The following PNPLA7 variants were observed in gnomAD, a reference collection of about 807,000 sequenced individuals.
PNPLA7 encodes the protein patatin like domain 7, lysophospholipase, also known as patatin-like phospholipase domain-containing protein 7.
PNPLA7 carries 153 observed loss-of-function variants against 161.7 expected under a neutral mutation model. The ratio of observed to expected loss-of-function variants is 0.95; its 90% CI spans 0.83 to 1.08. The LOEUF is 1.08. Ranked by LOEUF, PNPLA7 falls within the 50% of genes least tolerant of loss-of-function variation. The probability of loss-of-function intolerance (pLI) is 0.00; values close to 1 mark genes in which losing one functional copy is unlikely to be tolerated. For synonymous variants in PNPLA7, 809 were observed against 782.1 expected, an observed-to-expected ratio of 1.03 and a Z score of -0.57; for missense variants, 1,739 against 1,856.6, an observed-to-expected ratio of 0.94 and a Z score of 1.16.
intron 8 of PNPLA7, among the ~76,000 whole-genome samples, chr9:137,535,709 C>T (rs144155980): frequency 1.4e-4 from 21 of 149,172 alleles, no homozygotes; most frequent in African/African-American, 2.0e-4. Flanking sequence ...GCTGAGATCA[C>T]GCCATTGCAC....
Position 137,481,035 on chromosome 9 carries a change from A to T in PNPLA7, c.2348-12T>A. 1 of 1,551,490 alleles carries T rather than the reference A, an allele frequency of 6.4e-7. No homozygotes were observed. The highest frequency in any genetic ancestry group is 8.7e-7 in the Non-Finnish European group (1 of 1,146,900). On this transcript the variant is annotated splice_polypyrimidine_tract_variant and intron_variant, in intron 21 of 34. Transcript: ENST00000406427. ...CAGCAGGGTCGGGCCTGAAAACACC[A>T]CCACCAGTAACGGAGCCTGCCTGGG...
At chr9:137,508,472 C>T (rs1458064640) in intron 12 of PNPLA7, among the ~76,000 whole-genome samples, 2 of 151,856 alleles carry the variant, frequency 1.3e-5, no homozygotes, top group Non-Finnish European at 2.9e-5. Flanking sequence ...GCGGCTGAGG[C>T]AGGAGAATTG....
rs946805608 is a variant in PNPLA7, at chr9:137,519,993, C to T, written c.1008G>A (p.Lys336=). 6.2e-7 allele frequency: 1 copy of T among 1,612,694 alleles called. No individual in the cohort carries two copies. Among genetic ancestry groups the T allele is most frequent in the African/African-American group, 1.3e-5 (1 of 74,908 alleles). ...LVSVASVAAG[K]AKKQVFYGEE... Reference sequence around the variant, plus strand: ...CGCCATAGAACACCTGCTTCTTGGCCTTCCCGGCAGCCACACTGGCTACAG... The same window carrying T: ...CGCCATAGAACACCTGCTTCTTGGCTTTCCCGGCAGCCACACTGGCTACAG... Residue 336 remains lysine (K), a synonymous_variant, in exon 11 of 35, where the codon AAG becomes AAA. Coordinates refer to ENST00000406427, the MANE Select transcript of PNPLA7 (RefSeq NM_001098537.3).
intron 7 of PNPLA7, among the ~76,000 whole-genome samples, 167 bp downstream of exon 7, chr9:137,542,475 A>C (rs1836257490): frequency 1.3e-5 from 2 of 152,218 alleles, no homozygotes; most frequent in South Asian, 4.1e-4. Context: ...TGTTTCAAAA[A>C]ACTAAATAAA....
rs1836560405 is a variant in PNPLA7 at position 137,546,912 on chromosome 9, G to A, written c.194-3C>T. Reference sequence around the variant, plus strand: ...CTGAGGAGTGGGCTGTGCTTGTCCTGCAGGGGAGTAAAGGGATGGCCTGAG... The same window carrying A: ...CTGAGGAGTGGGCTGTGCTTGTCCTACAGGGGAGTAAAGGGATGGCCTGAG... On this transcript the variant is annotated splice_region_variant and splice_polypyrimidine_tract_variant and intron_variant, in intron 3 of 34. Coordinates refer to ENST00000406427, the MANE Select transcript of PNPLA7 (RefSeq NM_001098537.3). 2.5e-6 allele frequency: 4 copies of A among 1,613,680 alleles called. No homozygotes were observed. The highest frequency in any genetic ancestry group is 3.3e-5 in the Admixed American group (2 of 60,020).
chr9:137,531,232 A>C (rs577310847), intron 8 of PNPLA7, among the ~76,000 whole-genome samples: 1 of 152,170 alleles, frequency 6.6e-6, no homozygotes, highest in East Asian at 1.9e-4. Context: ...CACCCCCACC[A>C]ACCGCATCAG....
intron 12 of PNPLA7, among the ~76,000 whole-genome samples, chr9:137,512,528 G>A (rs899090473): frequency 2.6e-5 from 4 of 152,232 alleles, no homozygotes; most frequent in African/African-American, 9.6e-5. Context: ...GGCTTGCAGG[G>A]GCTAATTTAT....
intron 26 of PNPLA7, among the ~76,000 whole-genome samples, chr9:137,465,209 C>T (rs1221290917): frequency 6.6e-6 from 1 of 152,198 alleles, no homozygotes; most frequent in Non-Finnish European, 1.5e-5. Context: ...GAGGAGACCC[C>T]GGTCCTTCCC....
chr9:137,471,376 G>A (rs1349374529), intron 25 of PNPLA7, among the ~76,000 whole-genome samples: 2 of 152,070 alleles, frequency 1.3e-5, no homozygotes, highest in Non-Finnish European at 1.5e-5. Flanking sequence ...CAAGGCGGGC[G>A]GATCATGAGA....
In PNPLA7 at chr9:137,460,470, C is replaced by T. The variant is rs762980119; in HGVS notation, c.3952G>A (p.Glu1318Lys). 4 of 1,612,424 alleles carry T rather than the reference C, an allele frequency of 2.5e-6. No homozygotes were observed. Among genetic ancestry groups the T allele is most frequent in the East Asian group, 2.2e-5 (1 of 44,880 alleles). Residue 1318 changes from glutamate (E) to lysine (K), a missense_variant, in exon 35 of 35, where the codon GAG becomes AAG. By Grantham distance (56) the Glu-to-Lys change is moderately conservative. This residue lies in a region of PNPLA7 where 703 missense variants were observed against 694.6 expected (regional missense o/e 1.01). Coordinates refer to ENST00000406427, the MANE Select transcript of PNPLA7 (RefSeq NM_001098537.3). Reference sequence around the variant, plus strand: ...GGGTGTCGATGCCGCAGTGAGGACTCGTCCTCCTGCAAGCAGACCGCATGT... The same window carrying T: ...GGGTGTCGATGCCGCAGTGAGGACTTGTCCTCCTGCAAGCAGACCGCATGT... ...SAQQGSDLED[E>K]SSLRHRHPSL...
chr9:137,460,935 G>A (rs1299645170), intron 33 of PNPLA7, 198 bp from the exon 34 acceptor site: 2 of 575,642 alleles, frequency 3.5e-6, no homozygotes, highest in Non-Finnish European at 6.2e-6. Context: ...CTTTGCCCCA[G>A]CACATCACTT....
rs140081115 is a variant in PNPLA7, at chr9:137,502,774, G to A, written c.1474-1047C>T. On this transcript the variant is annotated intron_variant, in intron 14 of 34. Coordinates refer to ENST00000406427, the MANE Select transcript of PNPLA7 (RefSeq NM_001098537.3). Reference sequence around the variant, plus strand: ...GGGAGCCGGCCACGGTGACATGGACGAGGCCGCTGGACAGGGGGGCACTGA... The same window carrying A: ...GGGAGCCGGCCACGGTGACATGGACAAGGCCGCTGGACAGGGGGGCACTGA... Among the ~76,000 whole-genome samples, 591 of 138,752 alleles carry A rather than the reference G, an allele frequency of 4.3e-3. 9 individuals carry two copies. Among genetic ancestry groups the A allele is most frequent in the African/African-American group, 9.6e-3 (349 of 36,256 alleles). The allele number at this position is 138,752 out of a possible 152,430, so 91.0% of individuals were successfully genotyped here.
At chr9:137,507,034 T>G (rs571832663) in intron 12 of PNPLA7, among the ~76,000 whole-genome samples, 4 of 152,210 alleles carry the variant, frequency 2.6e-5, no homozygotes, top group African/African-American at 9.6e-5. Flanking sequence ...AGCACAGCCA[T>G]GTGCCCCTCC....
At chr9:137,521,365 A>G (rs527709241) in intron 10 of PNPLA7, among the ~76,000 whole-genome samples, 42 of 152,330 alleles carry the variant, frequency 2.8e-4, no homozygotes, top group African/African-American at 9.9e-4. Flanking sequence ...AAGGAATTCC[A>G]CCTTTCCCAA....
At chr9:137,478,531 TG>T in intron 24 of PNPLA7, 2 of 190,492 alleles carry the variant, frequency 1.0e-5, no homozygotes, top group African/African-American at 2.3e-5. Flanking sequence ...AGCTGTGGGC[TG>T]GGGGCCGTGA....
chr9:137,548,487 C>T (rs1347461057), intron 1 of PNPLA7, among the ~76,000 whole-genome samples: 2 of 152,360 alleles, frequency 1.3e-5, no homozygotes, highest in Middle Eastern at 3.4e-3. Context: ...CAGTGGCTCA[C>T]GCCTGCAATC....
At chr9:137,539,514 C>T (rs1385650839) in intron 8 of PNPLA7, among the ~76,000 whole-genome samples, 3 of 151,974 alleles carry the variant, frequency 2.0e-5, no homozygotes, top group African/African-American at 7.3e-5. Context: ...TCTATCTCTA[C>T]AAAAAAATAC....
intron 12 of PNPLA7, among the ~76,000 whole-genome samples, chr9:137,514,171 G>A (rs1834386594): frequency 1.3e-5 from 2 of 149,876 alleles, no homozygotes; most frequent in African/African-American, 4.9e-5. Context: ...TCACCCGGCT[G>A]TTGAGGTGCC....
chr9:137,509,082 G>C lies in PNPLA7; in HGVS notation c.1226-2999C>G, dbSNP rs115052708. On this transcript the variant is annotated intron_variant, in intron 12 of 34. Transcript: ENST00000406427. The stretch of plus-strand genomic sequence containing the variant: ...GCGGCCAGTGAGCACCTGAAGTGTG[G>C]CTGGCATGAGTGAGTTTAGCTGGTA... 3.1e-3 allele frequency: 482 copies of C among 154,468 alleles called. 2 individuals are homozygous for C. Among genetic ancestry groups the C allele is most frequent in the African/African-American group, 0.011 (456 of 41,648 alleles). The allele number at this position is 154,468 out of a possible 1,614,324, so 9.6% of individuals were successfully genotyped here.
Sources: gnomAD v4.1 joint callset for allele counts (sites outside exome capture counted in the v4.1 genomes callset) on GRCh38, gnomAD v4.1.1 for gene constraint, gnomAD v4.1.1 regional missense constraint, MANE v1.5 for transcripts, NCBI Gene and HGNC (gene_info 2026-07-23, HGNC 2026-07-21) for gene names.